The following SRD5A2 variants were observed in gnomAD, a reference collection of about 807,000 sequenced individuals.
SRD5A2 encodes 3-oxo-5-alpha-steroid 4-dehydrogenase 2.
A neutral mutation model predicts 27.4 loss-of-function variants in SRD5A2; 30 were observed. That is an observed-to-expected ratio of 1.10 (90% CI 0.82 to 1.49). The LOEUF (loss-of-function observed/expected upper bound fraction) is 1.49. Ranked by LOEUF, SRD5A2 falls within the 40% of genes most tolerant of loss-of-function variation. The probability of loss-of-function intolerance (pLI) is 0.00; values close to 1 mark genes in which losing one functional copy is unlikely to be tolerated. For missense variants in SRD5A2, 348 were observed against 323.4 expected, an observed-to-expected ratio of 1.08 and a Z score of -0.58; for synonymous variants, 141 against 133.6, an observed-to-expected ratio of 1.06 and a Z score of -0.38.
chr2:31,650,325 G>T, the SRD5A2 span, among the ~76,000 whole-genome samples: 3 of 152,118 alleles, frequency 2.0e-5, no homozygotes, highest in Non-Finnish European at 4.4e-5. Flanking sequence ...GTGAGGGATG[G>T]GCAAAATCCA....
chr2:31,545,148 T>C (rs756385624), intron 1 of SRD5A2, among the ~76,000 whole-genome samples: 19 of 151,876 alleles, frequency 1.3e-4, no homozygotes, highest in Non-Finnish European at 2.5e-4. Flanking sequence ...TTCTACCATT[T>C]AAAGAACTAA....
chr2:31,527,214 A>G (rs1665801130), intron 4 of SRD5A2, among the ~76,000 whole-genome samples: 3 of 152,222 alleles, frequency 2.0e-5, no homozygotes, highest in Admixed American at 1.3e-4. Flanking sequence ...GCATCTTATA[A>G]GAAGCCTGTC....
the SRD5A2 span, among the ~76,000 whole-genome samples, chr2:31,599,815 A>T: frequency 6.6e-6 from 1 of 152,020 alleles, no homozygotes; most frequent in East Asian, 1.9e-4. Flanking sequence ...GAAATGAAGA[A>T]AACAATGTAA....
At position 31,523,270 on chromosome 2, in the gene SRD5A2, A is replaced by T. The variant is rs975286362; in HGVS notation, c.*2926T>A. ...TCCCACGGAGCGAGGGAAGCCTCAC[A>T]CACAAACAGGCATGGGACAATAGGT... On this transcript the variant is annotated 3_prime_UTR_variant, in exon 5 of 5. Coordinates refer to ENST00000622030, the MANE Select transcript of SRD5A2 (RefSeq NM_000348.4). 4.6e-6 allele frequency: 1 copy of T among 215,954 alleles called. No individual in the cohort carries two copies. The highest frequency in any genetic ancestry group is 9.3e-6 in the Non-Finnish European group (1 of 107,110). 13.4% of individuals were successfully genotyped at this position (215,954 alleles called of 1,614,324 possible).
At chr2:31,600,540 G>C in the SRD5A2 span, among the ~76,000 whole-genome samples, 2 of 152,070 alleles carry the variant, frequency 1.3e-5, no homozygotes, top group South Asian at 4.1e-4. Flanking sequence ...TGACTGGTGT[G>C]AGATGGTATC....
At chr2:31,627,971 T>C in the SRD5A2 span, among the ~76,000 whole-genome samples, 1 of 152,208 alleles carries the variant, frequency 6.6e-6, no homozygotes, top group Admixed American at 6.6e-5. Flanking sequence ...TGGAGAGTTC[T>C]GTACATGTCT....
intron 1 of SRD5A2, among the ~76,000 whole-genome samples, chr2:31,541,916 C>A (rs1352893274): frequency 6.6e-6 from 1 of 152,216 alleles, no homozygotes; most frequent in Non-Finnish European, 1.5e-5. Context: ...GGGGAATCAC[C>A]CATCCCAGCA....
chr2:31,625,446 C>T, the SRD5A2 span, among the ~76,000 whole-genome samples: 1 of 152,124 alleles, frequency 6.6e-6, no homozygotes, highest in African/African-American at 2.4e-5. Flanking sequence ...ATACCTATGT[C>T]CTGAATGGTA....
chr2:31,539,666 CAG>C (rs1220709463), intron 1 of SRD5A2, among the ~76,000 whole-genome samples: 1 of 152,164 alleles, frequency 6.6e-6, no homozygotes, highest in African/African-American at 2.4e-5. Flanking sequence ...TGGGTAGTAT[CAG>C]AGAAGCCCTA....
intron 2 of SRD5A2, among the ~76,000 whole-genome samples, chr2:31,532,627 C>G (rs1373209461): frequency 7.0e-6 from 1 of 142,096 alleles, no homozygotes; most frequent in African/African-American, 2.7e-5. Flanking sequence ...CCCAACCTGT[C>G]AGCAAAGCAC....
intron 1 of SRD5A2, among the ~76,000 whole-genome samples, chr2:31,546,407 T>G (rs11124263): frequency 1.3e-5 from 2 of 152,304 alleles, no homozygotes; most frequent in East Asian, 3.9e-4. Context: ...CCATTAATGA[T>G]GGACTGGATA....
At chr2:31,648,420 A>T in the SRD5A2 span, among the ~76,000 whole-genome samples, 1 of 152,168 alleles carries the variant, frequency 6.6e-6, no homozygotes, top group Non-Finnish European at 1.5e-5. Context: ...GACCCTAGTC[A>T]GCCACCTAGC....
At chr2:31,588,783 C>A in the SRD5A2 span, among the ~76,000 whole-genome samples, 2 of 152,166 alleles carry the variant, frequency 1.3e-5, no homozygotes, top group Non-Finnish European at 2.9e-5. Flanking sequence ...GTACACTATT[C>A]TTGTCCTAAA....
At chr2:31,575,636 T>G (rs540735623) in intron 1 of SRD5A2, among the ~76,000 whole-genome samples, 1 of 152,170 alleles carries the variant, frequency 6.6e-6, no homozygotes, top group Non-Finnish European at 1.5e-5. Flanking sequence ...ATCATTTTAT[T>G]TGGCTAATCA....
the SRD5A2 span, among the ~76,000 whole-genome samples, chr2:31,611,956 C>A: frequency 8.5e-5 from 13 of 152,168 alleles, no homozygotes; most frequent in African/African-American, 3.1e-4. Context: ...CATATCCATA[C>A]AATGAAATAC....
At chr2:31,605,057 A>G in the SRD5A2 span, among the ~76,000 whole-genome samples, 1 of 151,956 alleles carries the variant, frequency 6.6e-6, no homozygotes, top group African/African-American at 2.4e-5. Context: ...CAGGGAAAAT[A>G]CAGTCTTTCA....
At chr2:31,616,994 G>C in the SRD5A2 span, among the ~76,000 whole-genome samples, 1 of 152,180 alleles carries the variant, frequency 6.6e-6, no homozygotes, top group Non-Finnish European at 1.5e-5. Context: ...TAGTGAATAA[G>C]TCTTATGAGA....
chr2:31,581,922 C>CCGT (rs1667091026), upstream of SRD5A2, among the ~76,000 whole-genome samples: 1 of 152,322 alleles, frequency 6.6e-6, no homozygotes, highest in Admixed American at 6.5e-5. Context: ...TCCAGCCCCT[C>CCGT]CGTCTTCTAC....
chr2:31,591,407 A>C, the SRD5A2 span, among the ~76,000 whole-genome samples: 14 of 152,140 alleles, frequency 9.2e-5, no homozygotes, highest in African/African-American at 3.1e-4. Context: ...ACGCCAGTTA[A>C]AATGGCGATC....
Sources: gnomAD v4.1 joint callset for allele counts (sites outside exome capture counted in the v4.1 genomes callset) on GRCh38, gnomAD v4.1.1 for gene constraint, MANE v1.5 for transcripts, NCBI Gene and HGNC (gene_info 2026-07-23, HGNC 2026-07-21) for gene names.